The following PCDH9 variants were observed in gnomAD, a reference collection of about 807,000 sequenced individuals.
PCDH9 encodes protocadherin 9, also known as protocadherin-9.
PCDH9 carries 24 observed loss-of-function variants against 70.6 expected under a neutral mutation model. The ratio of observed to expected loss-of-function variants is 0.34; its 90% CI spans 0.25 to 0.48. The LOEUF is 0.48. Among genes scored for constraint, PCDH9 ranks in the 20% least tolerant of loss-of-function variants. The pLI, the probability that PCDH9 is intolerant of heterozygous loss-of-function variation, is 0.99. For synonymous variants in PCDH9, 562 were observed against 558.5 expected (o/e 1.01, Z -0.09); for missense variants, 1,281 against 1,503.6 (o/e 0.85, Z 2.45).
intron 2 of PCDH9, among the ~76,000 whole-genome samples, chr13:67,005,123 G>C (rs7993456): frequency 0.39 from 58,833 of 151,414 alleles, 12,376 homozygotes; most frequent in Admixed American, 0.47. Flanking sequence ...CAGTAGAGGA[G>C]AGGAATATTC....
At chr13:66,318,847 C>T (rs375676493) in intron 4 of PCDH9, among the ~76,000 whole-genome samples, 10 of 152,230 alleles carry the variant, frequency 6.6e-5, no homozygotes, top group African/African-American at 2.2e-4. Flanking sequence ...TCCAAACTGT[C>T]CTATTTAAAT....
At chr13:66,826,806 A>G (rs2080831708) in intron 3 of PCDH9, among the ~76,000 whole-genome samples, 1 of 152,214 alleles carries the variant, frequency 6.6e-6, no homozygotes, top group Non-Finnish European at 1.5e-5. Flanking sequence ...GACTAATCAT[A>G]TTCTGGACAG....
At chr13:66,358,211 A>T (rs1478494678) in intron 4 of PCDH9, among the ~76,000 whole-genome samples, 2 of 152,014 alleles carry the variant, frequency 1.3e-5, no homozygotes, top group African/African-American at 4.8e-5. Context: ...ACTTAAAGAA[A>T]GCTACTACTT....
At chr13:66,835,319 C>G (rs954516442) in intron 3 of PCDH9, among the ~76,000 whole-genome samples, 2 of 152,168 alleles carry the variant, frequency 1.3e-5, no homozygotes, top group African/African-American at 4.8e-5. Flanking sequence ...TAATCGAGCT[C>G]GGCTCTTGGC....
intron 4 of PCDH9, among the ~76,000 whole-genome samples, chr13:66,518,281 T>A (rs1008779694): frequency 2.0e-4 from 30 of 152,108 alleles, no homozygotes; most frequent in Non-Finnish European, 2.8e-4. Context: ...AAGCCATTCA[T>A]GAAGGATCCG....
At chr13:67,157,369 C>T (rs1032114384) in intron 2 of PCDH9, among the ~76,000 whole-genome samples, 3 of 152,050 alleles carry the variant, frequency 2.0e-5, no homozygotes, top group Non-Finnish European at 4.4e-5. Context: ...AATTTGCATG[C>T]CTTTAAGACA....
In PCDH9 at chr13:66,874,942, TGA is replaced by T. The variant is rs1555279830; in HGVS notation, c.3138+28560_3138+28561del. ...GTGTGTGTGTGTGTGTGTGTGTGTGTGAGAGAGAGAGAGAGAGAGAGACAGAG... is the reference window on the plus strand; with the variant it reads ...GTGTGTGTGTGTGTGTGTGTGTGTGTGAGAGAGAGAGAGAGAGAGACAGAG... On this transcript the variant is annotated intron_variant, in intron 3 of 4. Transcript: ENST00000377865. Among the ~76,000 whole-genome samples, 864 of 109,876 alleles carry T rather than the reference TGA, an allele frequency of 7.9e-3. 6 individuals carry two copies. Among genetic ancestry groups the T allele is most frequent in the African/African-American group, 0.022 (799 of 36,782 alleles). 72.1% of individuals were successfully genotyped at this position (109,876 alleles called of 152,430 possible). A position where few individuals can be genotyped will look rare whatever the true frequency, so the allele number is the denominator to read the frequency against.
intron 4 of PCDH9, among the ~76,000 whole-genome samples, chr13:66,472,551 C>G (rs1371639058): frequency 3.9e-5 from 6 of 152,156 alleles, no homozygotes; most frequent in African/African-American, 1.4e-4. Flanking sequence ...GCCTGGGTGA[C>G]AGAGTGGGAC....
intron 3 of PCDH9, chr13:66,886,012 A>C (rs2081999197): frequency 6.6e-6 from 1 of 152,074 alleles, no homozygotes; most frequent in Admixed American, 6.6e-5. Context: ...AAGTGTCCTC[A>C]GCAGGAAAAG....
chr13:67,015,428 C>T (rs12855210), intron 2 of PCDH9, among the ~76,000 whole-genome samples: 172 of 152,210 alleles, frequency 1.1e-3, no homozygotes, highest in South Asian at 3.3e-3. Context: ...TTGAGCTTTG[C>T]TTATCCTCTC....
chr13:66,637,237 G>T (rs2077650331), intron 3 of PCDH9, among the ~76,000 whole-genome samples: 1 of 152,046 alleles, frequency 6.6e-6, no homozygotes, highest in African/African-American at 2.4e-5. Flanking sequence ...CTATGGTTAT[G>T]GCCTAATTTG....
At chr13:66,870,066 TAAG>T (rs1566254212) in intron 3 of PCDH9, among the ~76,000 whole-genome samples, 8 of 152,218 alleles carry the variant, frequency 5.3e-5, no homozygotes, top group Non-Finnish European at 7.3e-5. Context: ...GTCTAACATT[TAAG>T]TCTTTAATCC....
At chr13:66,708,217 T>A (rs2078741201) in intron 3 of PCDH9, among the ~76,000 whole-genome samples, 1 of 150,876 alleles carries the variant, frequency 6.6e-6, no homozygotes, top group Admixed American at 6.6e-5. Context: ...GCCCGGCTAA[T>A]TTTTTGTATT....
chr13:67,168,008 T>C (rs948732655), intron 2 of PCDH9, among the ~76,000 whole-genome samples: 1 of 152,128 alleles, frequency 6.6e-6, no homozygotes, highest in South Asian at 2.1e-4. Flanking sequence ...AACAAACGAT[T>C]TGTTTCACAG....
chr13:66,828,828 T>C, intron 3 of PCDH9, among the ~76,000 whole-genome samples: 1 of 142,524 alleles, frequency 7.0e-6, no homozygotes. Context: ...ATAATAATAA[T>C]AATAATAACA....
chr13:67,034,415 T>C (rs1195752943), intron 2 of PCDH9, among the ~76,000 whole-genome samples: 2 of 152,222 alleles, frequency 1.3e-5, no homozygotes, highest in South Asian at 2.1e-4. Flanking sequence ...ATATTTACCA[T>C]ACTGATCATG....
intron 3 of PCDH9, among the ~76,000 whole-genome samples, chr13:66,674,506 T>C (rs2078217478): frequency 6.6e-6 from 1 of 152,122 alleles, no homozygotes; most frequent in Admixed American, 6.5e-5. Flanking sequence ...ACTATTATTT[T>C]AACTTGTGCT....
intron 3 of PCDH9, among the ~76,000 whole-genome samples, chr13:66,723,129 C>T (rs1375314824): frequency 6.6e-6 from 1 of 151,806 alleles, no homozygotes. Context: ...GTTAGCATTG[C>T]TTTCTATTAT....
intron 2 of PCDH9, among the ~76,000 whole-genome samples, chr13:67,077,331 T>C (rs1292395750): frequency 6.6e-6 from 1 of 152,164 alleles, no homozygotes; most frequent in African/African-American, 2.4e-5. Context: ...ATTCCTTTGT[T>C]ATTTTGCCTC....
Sources: gnomAD v4.1 joint callset for allele counts (sites outside exome capture counted in the v4.1 genomes callset) on GRCh38, gnomAD v4.1.1 for gene constraint, MANE v1.5 for transcripts, NCBI Gene and HGNC (gene_info 2026-07-23, HGNC 2026-07-21) for gene names.